CTSO: variants seen among roughly 807,000 people sequenced by gnomAD.
The protein encoded by CTSO is cathepsin O.
A neutral mutation model predicts 42.4 loss-of-function variants in CTSO; 40 were observed. The observed-to-expected ratio is 0.94, with a 90% CI of 0.73 to 1.23. The LOEUF (loss-of-function observed/expected upper bound fraction) is 1.23. Ranked by LOEUF, CTSO falls within the 50% of genes most tolerant of loss-of-function variation. CTSO has a pLI of 0.00. For missense variants in CTSO, 441 were observed against 396.0 expected, an observed-to-expected ratio of 1.11 and a Z score of -0.96; for synonymous variants, 156 against 146.2, an observed-to-expected ratio of 1.07 and a Z score of -0.48.
chr4:155,947,073 G>T (rs1743561302), intron 1 of CTSO, among the ~76,000 whole-genome samples: 1 of 152,038 alleles, frequency 6.6e-6, no homozygotes, highest in South Asian at 2.1e-4. Flanking sequence ...TGTTAGCCAG[G>T]ATGGTCTCAA....
chr4:155,949,773 G>C (rs985509021), intron 1 of CTSO, among the ~76,000 whole-genome samples: 9 of 152,222 alleles, frequency 5.9e-5, no homozygotes, highest in African/African-American at 1.9e-4. Flanking sequence ...AGACTTAGGA[G>C]TTGTAAACTT....
rs938408508 is a variant in CTSO, at chr4:155,953,768, G to C, written c.80C>G (p.Ala27Gly). 13 of 1,336,228 alleles carry C rather than the reference G, an allele frequency of 9.7e-6. No homozygotes were observed. In the South Asian group the frequency reaches 2.4e-4, roughly 24 times the overall value. 82.8% of individuals were successfully genotyped at this position (1,336,228 alleles called of 1,614,324 possible). The change falls in exon 1 of 8, where the codon GCC becomes GGC. Residue 27 changes from alanine to glycine, a missense_variant. Ala to Gly is a moderately conservative substitution (Grantham distance 60). Coordinates refer to ENST00000433477, the MANE Select transcript of CTSO (RefSeq NM_001334.3). ...CRGGGDADSR[A>G]PFTPTWPRSR... ...CCGCGGCCAGGTCGGGGTGAAGGGG[G>C]CGCGGGAGTCCGCATCGCCGCCGCC...
intron 5 of CTSO, among the ~76,000 whole-genome samples, chr4:155,933,827 G>A (rs768698760): frequency 5.3e-5 from 8 of 152,166 alleles, no homozygotes; most frequent in Non-Finnish European, 1.0e-4. Flanking sequence ...AAGCAGCAAA[G>A]CATTCAAAAG....
At chr4:155,939,953 C>A (rs10000523) in intron 3 of CTSO, among the ~76,000 whole-genome samples, 1 of 152,052 alleles carries the variant, frequency 6.6e-6, no homozygotes, top group South Asian at 2.1e-4. Flanking sequence ...TTTAAGGACA[C>A]TCTGCTTCCA....
chr4:155,930,426 T>C (rs1376710748), intron 5 of CTSO, among the ~76,000 whole-genome samples: 3 of 152,356 alleles, frequency 2.0e-5, no homozygotes, highest in Non-Finnish European at 4.4e-5. Flanking sequence ...CTGTGAAGAC[T>C]GCAAAATACA....
intron 4 of CTSO, among the ~76,000 whole-genome samples, chr4:155,938,018 T>A (rs1255272840): frequency 6.6e-6 from 1 of 152,196 alleles, no homozygotes; most frequent in African/African-American, 2.4e-5. Flanking sequence ...TACTTCTCTT[T>A]ATCTTACAGC....
Position 155,939,401 on chromosome 4 carries a change from A to T in CTSO, c.522T>A (p.Ser174=). 1 of 1,614,056 alleles carries T rather than the reference A, an allele frequency of 6.2e-7. No homozygotes were observed. The highest frequency in any genetic ancestry group is 8.5e-7 in the Non-Finnish European group (1 of 1,179,912). The change falls in exon 4 of 8, where the codon TCT becomes TCA. Residue 174 remains serine (S), a synonymous_variant. Transcript: ENST00000433477. ...SYNNYGCNGG[S]TLNALNWLNK... ...TTAACCAGTTCAAAGCATTGAGAGT[A>T]GAGCCTCCATTGCAGCCATAATTAT... is the stretch of plus-strand genomic sequence containing the variant.
Position 155,939,499 on chromosome 4 carries a change from C to G in CTSO, c.424G>C (p.Glu142Gln), listed in dbSNP as rs1480127799. ...CWAFSVVGAVESAYAIKGKPL... is the reference protein window; with the variant it reads ...CWAFSVVGAVQSAYAIKGKPL... The stretch of plus-strand genomic sequence containing the variant: ...TTCCCCTTTATTGCATAAGCAGATT[C>G]CACTGCCCCCACCACGCTGAAGGCC... Residue 142 changes from glutamate (E) to glutamine (Q), a missense_variant, in exon 4 of 8, where the codon GAA (glutamate) becomes CAA (glutamine). Coordinates refer to ENST00000433477, the MANE Select transcript of CTSO (RefSeq NM_001334.3). 6.2e-7 allele frequency: 1 copy of G among 1,613,968 alleles called. No individual in the cohort carries two copies. Among genetic ancestry groups the G allele is most frequent in the East Asian group, 2.2e-5 (1 of 44,870 alleles).
rs1743349498 is a variant in CTSO at position 155,937,444 on chromosome 4, TA to T, written c.591del (p.Phe197LeufsTer46). ...TAATGGCACAGACCATTTTGTGCTT[TA>T]AAAGGATATTCTGAATCTTTCACCA... ...VKLVKDSEYP[F>X]KAQNGLCHYF... On this transcript the variant is annotated frameshift_variant, in exon 5 of 8. Transcript: ENST00000433477. LOFTEE classifies it high-confidence loss of function. The T allele has an allele frequency of 2.5e-6, 4 of 1,613,398 alleles. No individual in the cohort carries two copies. Among genetic ancestry groups the T allele is most frequent in the Non-Finnish European group, 3.4e-6 (4 of 1,179,458 alleles).
At chr4:155,945,066 C>T (rs1190111621) in intron 1 of CTSO, among the ~76,000 whole-genome samples, 5 of 151,328 alleles carry the variant, frequency 3.3e-5, no homozygotes, top group Non-Finnish European at 7.4e-5. Context: ...AGACCAGCCT[C>T]GCCAACATGG....
chr4:155,953,798 C>T lies in CTSO; in HGVS notation c.50G>A (p.Cys17Tyr). The change falls in exon 1 of 8, where the codon TGC becomes TAC. Residue 17 changes from cysteine to tyrosine, a missense_variant. Cys to Tyr is a radical substitution (Grantham distance 194). Coordinates refer to ENST00000433477, the MANE Select transcript of CTSO (RefSeq NM_001334.3). Reference protein sequence around the residue: ...PWLPWLLWLLCRGGGDADSRA... With the variant: ...PWLPWLLWLLYRGGGDADSRA... Reference sequence around the variant, plus strand: ...GGAGTCCGCATCGCCGCCGCCCCGGCACAGCAGCCACAGCAGCCACGGCAG... The same window carrying T: ...GGAGTCCGCATCGCCGCCGCCCCGGTACAGCAGCCACAGCAGCCACGGCAG... 7.4e-7 allele frequency: 1 copy of T among 1,345,366 alleles called. No homozygotes were observed. Among genetic ancestry groups the T allele is most frequent in the Non-Finnish European group, 9.6e-7 (1 of 1,045,198 alleles). 83.3% of individuals were successfully genotyped at this position (1,345,366 alleles called of 1,614,324 possible).
chr4:155,936,715 AG>A (rs1743337847), intron 5 of CTSO, among the ~76,000 whole-genome samples: 1 of 152,168 alleles, frequency 6.6e-6, no homozygotes, highest in East Asian at 1.9e-4. Flanking sequence ...CCTGCCCTTC[AG>A]TTCCAACACA....
chr4:155,949,023 A>G (rs1241092291), intron 1 of CTSO, among the ~76,000 whole-genome samples: 1 of 152,234 alleles, frequency 6.6e-6, no homozygotes, highest in Admixed American at 6.5e-5. Flanking sequence ...CGAATCTTTT[A>G]TGAGCAAACT....
At chr4:155,930,061 C>A (rs1267513192) in intron 5 of CTSO, among the ~76,000 whole-genome samples, 2 of 152,150 alleles carry the variant, frequency 1.3e-5, no homozygotes, top group Non-Finnish European at 2.9e-5. Context: ...AGAAATAACC[C>A]GCAACACTTC....
chr4:155,943,493 A>T (rs961508389), intron 1 of CTSO, among the ~76,000 whole-genome samples: 2 of 152,146 alleles, frequency 1.3e-5, no homozygotes. Context: ...TATTTTATTC[A>T]TTTATAATTC....
At chr4:155,945,586 A>G (rs1743528364) in intron 1 of CTSO, among the ~76,000 whole-genome samples, 1 of 152,222 alleles carries the variant, frequency 6.6e-6, no homozygotes, top group South Asian at 2.1e-4. Flanking sequence ...TACAATGAAG[A>G]AAGAAGTAAT....
chr4:155,937,591 G>A (rs1743352005), intron 4 of CTSO, 108 bp from the exon 5 acceptor site: 5 of 1,002,446 alleles, frequency 5.0e-6, no homozygotes, highest in Non-Finnish European at 6.1e-6. Context: ...CCTTCATCAT[G>A]TGGATATACT....
chr4:155,948,565 C>A (rs1435909837), intron 1 of CTSO, among the ~76,000 whole-genome samples: 1 of 152,158 alleles, frequency 6.6e-6, no homozygotes, highest in Non-Finnish European at 1.5e-5. Context: ...CATGAAACAT[C>A]CCAGCAAGGC....
chr4:155,934,880 G>A (rs1025842576), intron 5 of CTSO, among the ~76,000 whole-genome samples: 4 of 152,126 alleles, frequency 2.6e-5, no homozygotes, highest in Admixed American at 6.5e-5. Context: ...GTGGACTTTC[G>A]GGTTAATGCT....
Sources: allele counts gnomAD v4.1 joint callset (sites outside exome capture counted in the v4.1 genomes callset), GRCh38; gene constraint gnomAD v4.1.1; transcripts MANE v1.5; gene names NCBI Gene and HGNC (gene_info 2026-07-23, HGNC 2026-07-21).